SNAPC4: variants seen among roughly 807,000 people sequenced by gnomAD.
SNAPC4 encodes the protein small nuclear RNA activating complex polypeptide 4.
In SNAPC4, 127 loss-of-function variants were observed where a neutral mutation model predicts 151.3. That is an observed-to-expected ratio of 0.84 (90% CI 0.73 to 0.97). SNAPC4 has a LOEUF of 0.97. SNAPC4 is among the 50% of genes least tolerant of loss of function. The pLI is 0.00. For missense variants in SNAPC4, 2,186 were observed against 1,935.0 expected (o/e 1.13, Z -2.43); for synonymous variants, 1,002 against 824.4 (o/e 1.22, Z -3.69).
rs777416035 is a variant in SNAPC4 at position 136,376,470 on chromosome 9, G to A, written c.4296C>T (p.Asp1432=). 8 of 1,613,204 alleles carry A rather than the reference G, an allele frequency of 5.0e-6. No individual in the cohort carries two copies. In the South Asian group the frequency reaches 7.7e-5, roughly 15 times the overall value. ...TATCPIQGAP[D]SGKCSASSCL... is the part of the protein sequence containing the mutation. The stretch of plus-strand genomic sequence containing the variant: ...AGGAGGAAGCAGAGCATTTACCAGA[G>A]TCTGGGGCTCCCTGAAAGAAAATCC... The change falls in exon 23 of 24, where the codon GAC becomes GAT. Residue 1432 remains aspartate (D), a synonymous_variant. Coordinates refer to ENST00000684778, the MANE Select transcript of SNAPC4 (RefSeq NM_003086.4).
chr9:136,396,810 G>A (rs1008591985), intron 3 of SNAPC4, among the ~76,000 whole-genome samples, 167 bp downstream of exon 3: 1 of 152,160 alleles, frequency 6.6e-6, no homozygotes, highest in African/African-American at 2.4e-5. Context: ...TTATTTCTGG[G>A]GACAATTTCA....
At chr9:136,386,550 T>C (rs934298915) in intron 13 of SNAPC4, among the ~76,000 whole-genome samples, 3 of 150,984 alleles carry the variant, frequency 2.0e-5, no homozygotes, top group Non-Finnish European at 2.9e-5. Context: ...TTCTCCTGCC[T>C]CAGCCTCCCG....
chr9:136,382,108 C>T (rs1190033214), intron 17 of SNAPC4, 35 bp from the exon 18 acceptor site: 2 of 1,561,480 alleles, frequency 1.3e-6, no homozygotes, highest in African/African-American at 2.7e-5. Flanking sequence ...GGCCCATGGC[C>T]AGGCTCGGCC....
chr9:136,376,065 C>T (rs1236839289), intron 23 of SNAPC4, among the ~76,000 whole-genome samples: 3 of 152,168 alleles, frequency 2.0e-5, no homozygotes, highest in Non-Finnish European at 4.4e-5. Context: ...AGGGCACCAC[C>T]AGAGCACAGC....
At chr9:136,386,916 G>C (rs745614755) in intron 13 of SNAPC4, among the ~76,000 whole-genome samples, 1 of 151,846 alleles carries the variant, frequency 6.6e-6, no homozygotes, top group Non-Finnish European at 1.5e-5. Flanking sequence ...CACCATGCCC[G>C]GGTAACTTTT....
chr9:136,379,563 C>T (rs759063372), intron 21 of SNAPC4, among the ~76,000 whole-genome samples: 13 of 152,226 alleles, frequency 8.5e-5, no homozygotes, highest in South Asian at 6.2e-4. Context: ...CCCAGCTTGC[C>T]GGTGTTGGGC....
intron 10 of SNAPC4, among the ~76,000 whole-genome samples, chr9:136,390,554 GAAAAAAAAAAAAA>G (rs58732608): frequency 2.0e-5 from 1 of 48,804 alleles, no homozygotes; most frequent in African/African-American, 8.7e-5. Context: ...GACTCTGTTT[GAAAAAAAAAAAAA>G]AAAAAAAAAA....
rs1221816864 is a variant in SNAPC4, at chr9:136,388,473, C to T, written c.1094G>A (p.Arg365His). 6 of 1,611,572 alleles carry T rather than the reference C, an allele frequency of 3.7e-6. No homozygotes were observed. Among genetic ancestry groups the T allele is most frequent in the Non-Finnish European group, 4.2e-6 (5 of 1,179,012 alleles). The change falls in exon 11 of 24, where the codon CGC (arginine) becomes CAC (histidine). Residue 365 changes from arginine (R) to histidine (H), a missense_variant. By Grantham distance (29) the Arg-to-His change is conservative (BLOSUM62 0). Transcript: ENST00000684778. ...GCGGTAGGGGATGTGGCTGCCGACG[C>T]GCATCTCCTGCACCAGCTGCGTGAG... ...RMLTQLVQEM[R>H]VGSHIPYRRI...
chr9:136,379,691 T>C (rs1833617159), intron 21 of SNAPC4, 146 bp downstream of exon 21: 1 of 786,122 alleles, frequency 1.3e-6, no homozygotes, highest in Non-Finnish European at 2.1e-6. Flanking sequence ...CTCATCCCTG[T>C]GGTGGGACTC....
intron 22 of SNAPC4, 128 bp from the exon 23 acceptor site, chr9:136,376,609 G>T: frequency 9.1e-7 from 1 of 1,102,850 alleles, no homozygotes; most frequent in Non-Finnish European, 1.3e-6. Flanking sequence ...CCTCAGCTCA[G>T]GCGGGAGCTG....
Position 136,380,798 on chromosome 9 carries a change from G to C in SNAPC4, c.2441C>G (p.Ala814Gly), listed in dbSNP as rs1833660330. ...AGCCTGGGGCAGCCTGGGTGGCAGG[G>C]CCTTCCTCTCTCGGACGACCTCCAA... The part of the protein sequence containing the change: ...GCLEVVRERK[A>G]LPPRLPQAGA... The change falls in exon 20 of 24, where the codon GCC becomes GGC. Residue 814 changes from alanine to glycine, a missense_variant. Coordinates refer to ENST00000684778, the MANE Select transcript of SNAPC4 (RefSeq NM_003086.4). The C allele has an allele frequency of 6.2e-7, 1 of 1,612,232 alleles. No individual in the cohort carries two copies. Among genetic ancestry groups the C allele is most frequent in the South Asian group, 1.1e-5 (1 of 91,074 alleles).
chr9:136,396,435 G>A (rs1223729857), intron 3 of SNAPC4, among the ~76,000 whole-genome samples: 1 of 151,950 alleles, frequency 6.6e-6, no homozygotes, highest in Non-Finnish European at 1.5e-5. Context: ...TCTTTTTTTT[G>A]AGACAGGGTC....
Position 136,392,107 on chromosome 9 carries a change from C to T in SNAPC4, c.811-1G>A. ...CCTCTGCACTGCGGCTGCCTTCAAA[C>T]TGCACCGACAGAGACACTCAGCCTT... On this transcript the variant is annotated splice_acceptor_variant, in intron 9 of 23. Coordinates refer to ENST00000684778, the MANE Select transcript of SNAPC4 (RefSeq NM_003086.4). LOFTEE classifies it high-confidence loss of function. 1 of 1,611,762 alleles carries T rather than the reference C, an allele frequency of 6.2e-7. No homozygotes were observed. Among genetic ancestry groups the T allele is most frequent in the Non-Finnish European group, 8.5e-7 (1 of 1,180,002 alleles).
intron 7 of SNAPC4, among the ~76,000 whole-genome samples, chr9:136,393,409 T>C (rs967579065): frequency 1.3e-5 from 2 of 152,228 alleles, no homozygotes; most frequent in South Asian, 2.1e-4. Flanking sequence ...TGCTGTGCTG[T>C]TGAGTGGCCA....
chr9:136,391,882 G>C, intron 10 of SNAPC4, 60 bp downstream of exon 10: 1 of 1,547,374 alleles, frequency 6.5e-7, no homozygotes, highest in Non-Finnish European at 8.7e-7. Flanking sequence ...GCAGCCTCCC[G>C]CTATAGGGCC....
chr9:136,378,327 G>A lies in SNAPC4; in HGVS notation c.3500C>T (p.Ala1167Val), dbSNP rs151302512. The change falls in exon 22 of 24, where the codon GCG (alanine) becomes GTG (valine). Residue 1167 changes from alanine to valine, a missense_variant. Physicochemically the swap from Ala to Val is moderately conservative, Grantham distance 64 (BLOSUM62 0). Transcript: ENST00000684778. ...AGGGACAAAGGCCACACTGCCATCC[G>A]CTTCTGCAGGACTTTGGGAGAGGGC... ...THALSQSPAE[A>V]DGSVAFVPGE... 77 of 1,605,006 alleles carry A rather than the reference G, an allele frequency of 4.8e-5. No individual in the cohort carries two copies. Among genetic ancestry groups the A allele is most frequent in the Admixed American group, 1.7e-4 (10 of 58,504 alleles).
chr9:136,379,399 C>G (rs1833607576), intron 21 of SNAPC4, 100 bp from the exon 22 acceptor site: 2 of 1,540,846 alleles, frequency 1.3e-6, no homozygotes, highest in African/African-American at 1.4e-5. Flanking sequence ...ATGTGGGGAG[C>G]CTGGGGTCTT....
intron 19 of SNAPC4, 106 bp from the exon 20 acceptor site, chr9:136,380,956 C>T: frequency 1.5e-6 from 1 of 666,900 alleles, no homozygotes; most frequent in Non-Finnish European, 2.7e-6. Context: ...GGGGCGGCTA[C>T]CTTGAGACCT....
chr9:136,398,398 T>C lies in SNAPC4; in HGVS notation c.31A>G (p.Thr11Ala). Reference sequence around the variant, plus strand: ...CTTTCCAGCTCCTTGATCTCCTGTGTTATCTTCTCTCTTTCAGCATCTACA... The same window carrying C: ...CTTTCCAGCTCCTTGATCTCCTGTGCTATCTTCTCTCTTTCAGCATCTACA... Reference protein sequence around the residue: MDVDAEREKITQEIKELERIL... With the variant: MDVDAEREKIAQEIKELERIL... Residue 11 changes from threonine (T) to alanine (A), a missense_variant, in exon 2 of 24, where the codon ACA becomes GCA. Transcript: ENST00000684778. 6.2e-7 allele frequency: 1 copy of C among 1,613,734 alleles called. No individual in the cohort carries two copies. Among genetic ancestry groups the C allele is most frequent in the East Asian group, 2.2e-5 (1 of 44,876 alleles).
Sources: allele counts gnomAD v4.1 joint callset (sites outside exome capture counted in the v4.1 genomes callset), GRCh38; gene constraint gnomAD v4.1.1; transcripts MANE v1.5; gene names NCBI Gene and HGNC (gene_info 2026-07-23, HGNC 2026-07-21).